GALNT7: variants seen among roughly 807,000 people sequenced by gnomAD.
The protein encoded by GALNT7 is N-acetylgalactosaminyltransferase 7.
In GALNT7, 60 loss-of-function variants were observed where a neutral mutation model predicts 82.1. The ratio of observed to expected loss-of-function variants is 0.73; its 90% CI spans 0.59 to 0.91. GALNT7 has a LOEUF of 0.91. Among genes scored for constraint, GALNT7 ranks in the 40% least tolerant of loss-of-function variants. The pLI, the probability that GALNT7 is intolerant of heterozygous loss-of-function variation, is 0.00. For synonymous variants in GALNT7, 243 were observed against 275.1 expected, an observed-to-expected ratio of 0.88 and a Z score of 1.15; for missense variants, 660 against 804.2, an observed-to-expected ratio of 0.82 and a Z score of 2.17.
Position 173,302,087 on chromosome 4 carries a change from G to A in GALNT7, c.1189G>A (p.Glu397Lys). The change falls in exon 7 of 12, where the codon GAG (glutamate) becomes AAG (lysine). Residue 397 changes from glutamate to lysine, a missense_variant. Glu to Lys is a moderately conservative substitution (Grantham distance 56, BLOSUM62 1). This residue lies in a region of GALNT7 where 527 missense variants were observed against 683.5 expected (regional missense o/e 0.77). Coordinates refer to ENST00000265000, the MANE Select transcript of GALNT7 (RefSeq NM_017423.3). The surrounding 1 kb of genome is among the most constrained non-coding windows in gnomAD (Gnocchi z 4.2). ...TGGGGGATTATTTGCCATTGAACGA[G>A]AGTTCTTCTTTGAATTGGGTCTCTA... is the stretch of plus-strand genomic sequence containing the variant. Reference protein sequence around the residue: ...MAGGLFAIEREFFFELGLYDP... With the variant: ...MAGGLFAIERKFFFELGLYDP... 1.2e-6 allele frequency: 2 copies of A among 1,602,312 alleles called. No individual in the cohort carries two copies. Among genetic ancestry groups the A allele is most frequent in the East Asian group, 2.2e-5 (1 of 44,792 alleles).
intron 1 of GALNT7, among the ~76,000 whole-genome samples, chr4:173,233,943 C>T (rs1734125059): frequency 6.6e-6 from 1 of 152,166 alleles, no homozygotes; most frequent in Non-Finnish European, 1.5e-5. Context: ...GTTGTCTATT[C>T]TTGTTTGTAT....
chr4:173,238,875 A>G (rs924690704), intron 1 of GALNT7, among the ~76,000 whole-genome samples: 2 of 152,212 alleles, frequency 1.3e-5, no homozygotes, highest in African/African-American at 4.8e-5. Context: ...ATCTGCTCCA[A>G]TTAAACAGTC....
chr4:173,179,983 C>T (rs1732191736), intron 1 of GALNT7, among the ~76,000 whole-genome samples: 1 of 152,028 alleles, frequency 6.6e-6, no homozygotes, highest in Non-Finnish European at 1.5e-5. Flanking sequence ...AAAAATAGTT[C>T]CCTTACAACC....
chr4:173,316,171 GGCCTCACCTGCTACT>G (rs72454194), intron 9 of GALNT7: 70,526 of 152,330 alleles, frequency 0.46, 18,719 homozygotes, highest in East Asian at 0.7. Flanking sequence ...ATTCCTCTCT[GGCCTCACCTGCTACT>G]GCTCTCCCCA....
intron 1 of GALNT7, among the ~76,000 whole-genome samples, chr4:173,212,052 CTCTT>C (rs1733299618): frequency 6.6e-6 from 1 of 152,164 alleles, no homozygotes. Flanking sequence ...TGGCTTTCTT[CTCTT>C]TCTTTCACAT....
intron 2 of GALNT7, among the ~76,000 whole-genome samples, chr4:173,280,035 GT>G (rs1342088352): frequency 2.0e-5 from 3 of 152,074 alleles, no homozygotes; most frequent in Non-Finnish European, 4.4e-5. Flanking sequence ...TTGAGGATTT[GT>G]TTCCTATGCC....
Position 173,304,587 on chromosome 4 carries a change from C to T in GALNT7, c.1389+469C>T, listed in dbSNP as rs180853197. 9.2e-3 allele frequency among the ~76,000 whole-genome samples: 1,403 copies of T among 152,044 alleles called. 18 individuals are homozygous for T. The highest frequency in any genetic ancestry group is 0.027 in the Middle Eastern group (8 of 294). ...CTTAAAATTTGTTCTCAGCAATTTT[C>T]ATATATGTAATATATTATAAATTGT... On this transcript the variant is annotated intron_variant, in intron 8 of 11. Transcript: ENST00000265000.
Position 173,168,856 on chromosome 4 carries a change from C to T in GALNT7, c.21C>T (p.Phe7=). The change falls in exon 1 of 12, where the codon TTC becomes TTT. Residue 7 remains phenylalanine (F), a synonymous_variant. Coordinates refer to ENST00000265000, the MANE Select transcript of GALNT7 (RefSeq NM_017423.3). The part of the protein sequence containing the change: MRLKIG[F]ILRSLLVVGS... ...GGAAGATGAGGCTGAAGATTGGGTT[C>T]ATCTTACGCAGTTTGCTGGTGGTGG... The T allele has an allele frequency of 6.2e-7, 1 of 1,612,140 alleles. No homozygotes were observed. Among genetic ancestry groups the T allele is most frequent in the Non-Finnish European group, 8.5e-7 (1 of 1,178,966 alleles).
chr4:173,280,362 A>G (rs933344433), intron 2 of GALNT7, among the ~76,000 whole-genome samples: 53 of 152,234 alleles, frequency 3.5e-4, no homozygotes, highest in Non-Finnish European at 6.2e-4. Context: ...AGATGTTAAA[A>G]ACATAGCTGA....
intron 1 of GALNT7, among the ~76,000 whole-genome samples, chr4:173,173,646 A>G (rs1378167702): frequency 1.3e-5 from 2 of 152,228 alleles, no homozygotes; most frequent in African/African-American, 4.8e-5. Context: ...TGCAGTTCAC[A>G]ATAGGGTTTA....
rs751259706 is a variant in GALNT7, at chr4:173,317,614, G to T, written c.1609-20G>T. 6.8e-7 allele frequency: 1 copy of T among 1,472,764 alleles called. No individual in the cohort carries two copies. The highest frequency in any genetic ancestry group is 9.5e-7 in the Non-Finnish European group (1 of 1,053,328). The allele number at this position is 1,472,764 out of a possible 1,614,324, so 91.2% of individuals were successfully genotyped here. ...AACTAAACTGTTGCCTGCTTTTTGCGTCTTTATTCATTTTTTTAGATCAGA... is the reference window on the plus strand; with the variant it reads ...AACTAAACTGTTGCCTGCTTTTTGCTTCTTTATTCATTTTTTTAGATCAGA... On this transcript the variant is annotated intron_variant, in intron 9 of 11. Transcript: ENST00000265000.
intron 1 of GALNT7, chr4:173,169,641 G>T (rs1313246803): frequency 6.6e-6 from 1 of 151,286 alleles, no homozygotes; most frequent in Non-Finnish European, 1.5e-5. Context: ...CGCCCGGACC[G>T]CCGGTCCCCC....
At chr4:173,289,278 C>T (rs1224292164) in intron 2 of GALNT7, among the ~76,000 whole-genome samples, 1 of 152,128 alleles carries the variant, frequency 6.6e-6, no homozygotes, top group Non-Finnish European at 1.5e-5. Context: ...CTTCCTGCAC[C>T]TAAATATGTT....
rs1476696975 is a variant in GALNT7 at position 173,292,569 on chromosome 4, G to A, written c.754+295G>A. On this transcript the variant is annotated intron_variant, in intron 3 of 11. Coordinates refer to ENST00000265000, the MANE Select transcript of GALNT7 (RefSeq NM_017423.3). The surrounding 1 kb of genome is among the most constrained non-coding windows in gnomAD (Gnocchi z 4.8). Reference sequence around the variant, plus strand: ...AGTAAAGTATACCACTGATTATAATGTTAGAAGCGAAGATAAACATAGGTA... The same window carrying A: ...AGTAAAGTATACCACTGATTATAATATTAGAAGCGAAGATAAACATAGGTA... 1.3e-5 allele frequency among the ~76,000 whole-genome samples: 2 copies of A among 152,132 alleles called. No homozygotes were observed. Among genetic ancestry groups the A allele is most frequent in the South Asian group, 2.1e-4 (1 of 4,836 alleles).
chr4:173,307,876 G>T (rs7675672), intron 8 of GALNT7, among the ~76,000 whole-genome samples: 5,115 of 152,244 alleles, frequency 0.034, 279 homozygotes, highest in African/African-American at 0.12. Flanking sequence ...AGTAGCTGCT[G>T]CTTGGATGGT....
chr4:173,200,450 TA>T (rs796491883), intron 1 of GALNT7, among the ~76,000 whole-genome samples: 3,006 of 145,034 alleles, frequency 0.021, 91 homozygotes, highest in African/African-American at 0.066. Flanking sequence ...ATTCTACTCT[TA>T]AAAAAAAAAA....
At chr4:173,190,958 A>G (rs926666926) in intron 1 of GALNT7, among the ~76,000 whole-genome samples, 1 of 152,144 alleles carries the variant, frequency 6.6e-6, no homozygotes, top group Non-Finnish European at 1.5e-5. Flanking sequence ...TCAGGGAACC[A>G]TGGAAAAGAT....
chr4:173,240,898 G>A (rs1185509543), intron 1 of GALNT7, among the ~76,000 whole-genome samples: 2 of 152,062 alleles, frequency 1.3e-5, no homozygotes, highest in Non-Finnish European at 2.9e-5. Context: ...AAGCTCTGTG[G>A]GGGGTTAGAA....
At chr4:173,269,891 G>A (rs2126786432) in intron 2 of GALNT7, among the ~76,000 whole-genome samples, 1 of 152,232 alleles carries the variant, frequency 6.6e-6, no homozygotes, top group Middle Eastern at 3.4e-3. Context: ...GCTTCTTGAG[G>A]ATCAAAAGTT....
Sources: gnomAD v4.1 joint callset for allele counts (sites outside exome capture counted in the v4.1 genomes callset) on GRCh38, gnomAD v4.1.1 for gene constraint, gnomAD v4.1.1 regional missense constraint, Gnocchi (gnomAD v3.1) non-coding constraint, MANE v1.5 for transcripts, NCBI Gene and HGNC (gene_info 2026-07-23, HGNC 2026-07-21) for gene names.